Variants in ASIC2 observed in about 807,000 individuals in gnomAD.
ASIC2 encodes the protein acid sensing ion channel subunit 2.
A neutral mutation model predicts 57.3 loss-of-function variants in ASIC2; 25 were observed. That is an observed-to-expected ratio of 0.44 (90% CI 0.32 to 0.61). The LOEUF (loss-of-function observed/expected upper bound fraction) is 0.61. ASIC2 is among the 20% of genes least tolerant of loss of function. The probability of loss-of-function intolerance (pLI) is 0.06; values close to 1 mark genes in which losing one functional copy is unlikely to be tolerated. For missense variants in ASIC2, 641 were observed against 738.1 expected, an observed-to-expected ratio of 0.87 and a Z score of 1.52; for synonymous variants, 319 against 307.5, an observed-to-expected ratio of 1.04 and a Z score of -0.39.
chr17:33,959,846 G>A (rs560788656), intron 1 of ASIC2, among the ~76,000 whole-genome samples: 9 of 152,300 alleles, frequency 5.9e-5, no homozygotes, highest in African/African-American at 2.2e-4. Flanking sequence ...CCTTCAATCC[G>A]ATCAAGTTGA....
intron 1 of ASIC2, among the ~76,000 whole-genome samples, chr17:33,994,476 G>A (rs374956237): frequency 2.0e-5 from 3 of 152,238 alleles, no homozygotes; most frequent in East Asian, 3.9e-4. Flanking sequence ...CCTAAGTCAT[G>A]AGGTACACTA....
intron 1 of ASIC2, among the ~76,000 whole-genome samples, chr17:33,470,628 C>A (rs1391491361): frequency 6.6e-6 from 1 of 152,168 alleles, no homozygotes; most frequent in African/African-American, 2.4e-5. Context: ...AAGCCATCAC[C>A]TGCTCTTCAG....
At chr17:33,165,665 T>G (rs140809006) in intron 1 of ASIC2, among the ~76,000 whole-genome samples, 2 of 152,254 alleles carry the variant, frequency 1.3e-5, no homozygotes, top group Non-Finnish European at 2.9e-5. Context: ...GACCAAGCAC[T>G]TTCTCACTCA....
intron 1 of ASIC2, among the ~76,000 whole-genome samples, chr17:33,666,952 A>T (rs913268066): frequency 2.6e-5 from 4 of 152,338 alleles, no homozygotes; most frequent in African/African-American, 7.2e-5. Context: ...GGAAATCCTT[A>T]TATTAAAATA....
chr17:33,747,887 C>T (rs1040518281), intron 1 of ASIC2, among the ~76,000 whole-genome samples: 3 of 152,202 alleles, frequency 2.0e-5, no homozygotes, highest in Non-Finnish European at 4.4e-5. Context: ...CTGACATCAT[C>T]CCCGCATCTT....
intron 1 of ASIC2, among the ~76,000 whole-genome samples, chr17:33,247,254 G>T (rs531351150): frequency 6.6e-6 from 1 of 152,062 alleles, no homozygotes; most frequent in Non-Finnish European, 1.5e-5. Flanking sequence ...TCAAATAACC[G>T]CAAAGGCAGG....
At chr17:34,148,029 A>G (rs535058916) in intron 1 of ASIC2, among the ~76,000 whole-genome samples, 2 of 152,322 alleles carry the variant, frequency 1.3e-5, no homozygotes, top group South Asian at 2.1e-4. Flanking sequence ...TGTTAAATTC[A>G]TCTCTTCATT....
At chr17:34,081,331 A>C (rs771061795) in intron 1 of ASIC2, among the ~76,000 whole-genome samples, 4 of 152,186 alleles carry the variant, frequency 2.6e-5, no homozygotes, top group Admixed American at 6.5e-5. Context: ...CTACTTTGCT[A>C]GGCACTAGAT....
At chr17:33,943,832 G>A (rs912630955) in intron 1 of ASIC2, among the ~76,000 whole-genome samples, 1 of 152,094 alleles carries the variant, frequency 6.6e-6, no homozygotes, top group Admixed American at 6.6e-5. Flanking sequence ...GGTAGGGTGA[G>A]TATTGTTATC....
At chr17:33,561,831 A>C (rs1006482500) in intron 1 of ASIC2, among the ~76,000 whole-genome samples, 7 of 152,238 alleles carry the variant, frequency 4.6e-5, no homozygotes, top group Non-Finnish European at 8.8e-5. Context: ...CTATTCCCAG[A>C]AGTGCAGATC....
At chr17:34,116,637 C>T (rs1278034826) in intron 1 of ASIC2, among the ~76,000 whole-genome samples, 1 of 152,068 alleles carries the variant, frequency 6.6e-6, no homozygotes, top group Non-Finnish European at 1.5e-5. Flanking sequence ...CTTCTGCCTG[C>T]TCTCTCTCTC....
chr17:33,058,978 G>A (rs1162237092), intron 3 of ASIC2, among the ~76,000 whole-genome samples: 2 of 152,062 alleles, frequency 1.3e-5, no homozygotes, highest in Admixed American at 6.6e-5. Context: ...TGGAGAGTAC[G>A]TTGGATCAAG....
chr17:34,042,100 C>T (rs1182076240), intron 1 of ASIC2, among the ~76,000 whole-genome samples: 1 of 152,194 alleles, frequency 6.6e-6, no homozygotes, highest in Non-Finnish European at 1.5e-5. Context: ...ATGTAGAGCA[C>T]TATAATCCTC....
intron 1 of ASIC2, among the ~76,000 whole-genome samples, chr17:33,541,749 C>T (rs939647042): frequency 5.9e-5 from 9 of 152,148 alleles, no homozygotes; most frequent in Non-Finnish European, 1.0e-4. Context: ...GTGCCCCTTC[C>T]CAAGCAGCCA....
intron 1 of ASIC2, among the ~76,000 whole-genome samples, chr17:33,273,827 G>T (rs985208445): frequency 7.2e-5 from 11 of 152,054 alleles, no homozygotes; most frequent in African/African-American, 2.2e-4. Flanking sequence ...CCGGAGAGGG[G>T]CAGGAAGAAG....
At chr17:33,032,567 G>A (rs1421964497) in intron 3 of ASIC2, among the ~76,000 whole-genome samples, 3 of 147,506 alleles carry the variant, frequency 2.0e-5, no homozygotes, top group African/African-American at 7.6e-5. Context: ...TCCAGCCTCA[G>A]CCTCCTAAGT....
intron 1 of ASIC2, among the ~76,000 whole-genome samples, chr17:33,902,392 AG>A: frequency 6.6e-6 from 1 of 152,262 alleles, no homozygotes; most frequent in Non-Finnish European, 1.5e-5. Flanking sequence ...ACACTAAAAT[AG>A]AGTACATTTA....
At chr17:33,167,845 C>G (rs1905361098) in intron 1 of ASIC2, among the ~76,000 whole-genome samples, 1 of 152,236 alleles carries the variant, frequency 6.6e-6, no homozygotes, top group South Asian at 2.1e-4. Context: ...CTTTCAAATA[C>G]CATTTCCTAT....
intron 1 of ASIC2, among the ~76,000 whole-genome samples, chr17:33,904,816 G>T (rs1317676098): frequency 6.6e-6 from 1 of 152,200 alleles, no homozygotes. Context: ...TGATTTAGGA[G>T]TTGTACCATT....
Sources: allele counts gnomAD v4.1 joint callset (sites outside exome capture counted in the v4.1 genomes callset), GRCh38; gene constraint gnomAD v4.1.1; transcripts MANE v1.5; gene names NCBI Gene and HGNC (gene_info 2026-07-23, HGNC 2026-07-21).